EDARADD: variants seen among roughly 807,000 people sequenced by gnomAD.
EDARADD encodes EDAR associated via death domain, also known as ectodysplasin-A receptor-associated adapter protein.
A neutral mutation model predicts 25.6 loss-of-function variants in EDARADD; 20 were observed. That is an observed-to-expected ratio of 0.78 (90% CI 0.55 to 1.14). EDARADD has a LOEUF of 1.14. EDARADD is among the 50% of genes most tolerant of loss of function. EDARADD has a pLI of 0.00. For missense variants in EDARADD, 225 were observed against 270.1 expected (o/e 0.83, Z 1.17); for synonymous variants, 86 against 94.4 (o/e 0.91, Z 0.52).
At chr1:236,416,098 C>T (rs1336990438) in intron 3 of EDARADD, among the ~76,000 whole-genome samples, 1 of 152,188 alleles carries the variant, frequency 6.6e-6, no homozygotes, top group African/African-American at 2.4e-5. Flanking sequence ...ATTAGAGTGT[C>T]CTTTCTTTTC....
intron 2 of EDARADD, among the ~76,000 whole-genome samples, chr1:236,412,101 C>T (rs1026320547): frequency 2.0e-5 from 3 of 152,196 alleles, no homozygotes; most frequent in African/African-American, 7.2e-5. Flanking sequence ...TCAGCATCCA[C>T]TGCTCACCTG....
intron 3 of EDARADD, among the ~76,000 whole-genome samples, chr1:236,358,503 C>T (rs951401037): frequency 6.6e-6 from 1 of 152,208 alleles, no homozygotes; most frequent in Non-Finnish European, 1.5e-5. Context: ...TTGATGTGGG[C>T]ATTTAGTGCT....
At chr1:236,396,721 T>G (rs12080914) in intron 1 of EDARADD, among the ~76,000 whole-genome samples, 72,302 of 150,858 alleles carry the variant, frequency 0.48, 18,483 homozygotes, top group Non-Finnish European at 0.59. Flanking sequence ...GTGGGGATTG[T>G]TAAACATTTT....
At chr1:236,418,041 C>A (rs1244089706) in intron 3 of EDARADD, among the ~76,000 whole-genome samples, 2 of 151,066 alleles carry the variant, frequency 1.3e-5, no homozygotes, top group Non-Finnish European at 2.9e-5. Context: ...GCAAGCTCTG[C>A]CTCCCAAGTT....
Position 236,484,215 on chromosome 1 carries a change from A to T in EDARADD, c.*1566A>T. The T allele has an allele frequency of 1.0e-6, 1 of 999,224 alleles. No homozygotes were observed. Among genetic ancestry groups the T allele is most frequent in the Non-Finnish European group, 1.6e-6 (1 of 619,786 alleles). 61.9% of individuals were successfully genotyped at this position (999,224 alleles called of 1,614,324 possible). A position where few individuals can be genotyped will look rare whatever the true frequency, so the allele number is the denominator to read the frequency against. ...CAAAGTGAACCAGATTCGCTCTGTG[A>T]CTGAGTCCCTTCAGGCGTGCAAGCT... On this transcript the variant is annotated 3_prime_UTR_variant, in exon 6 of 6. Coordinates refer to ENST00000334232, the MANE Select transcript of EDARADD (RefSeq NM_145861.4). This position sits in a 1 kb window ranked among gnomAD's most constrained non-coding sequence, Gnocchi z 4.1.
At chr1:236,370,963 G>A (rs995644156) in intron 3 of EDARADD, among the ~76,000 whole-genome samples, 2 of 152,196 alleles carry the variant, frequency 1.3e-5, no homozygotes, top group Non-Finnish European at 2.9e-5. Flanking sequence ...AGGACAGCTT[G>A]GAGGTTAGAA....
intron 3 of EDARADD, among the ~76,000 whole-genome samples, chr1:236,369,012 C>A (rs1412530291): frequency 2.0e-5 from 3 of 151,960 alleles, no homozygotes; most frequent in Admixed American, 6.6e-5. Flanking sequence ...CCAGGCTGGT[C>A]TTGAACTCCT....
At chr1:236,455,619 A>G (rs924399784) in intron 4 of EDARADD, among the ~76,000 whole-genome samples, 1 of 152,224 alleles carries the variant, frequency 6.6e-6, no homozygotes, top group Non-Finnish European at 1.5e-5. Context: ...TGGTATTTTT[A>G]ACATTGTTGA....
At chr1:236,374,029 A>T (rs922216277) in intron 3 of EDARADD, among the ~76,000 whole-genome samples, 4 of 152,116 alleles carry the variant, frequency 2.6e-5, no homozygotes, top group African/African-American at 9.7e-5. Flanking sequence ...CTAAGAGCAG[A>T]TACTGTGTAA....
intron 4 of EDARADD, among the ~76,000 whole-genome samples, chr1:236,467,371 G>A (rs889183772): frequency 1.3e-5 from 2 of 151,520 alleles, no homozygotes; most frequent in South Asian, 2.1e-4. Context: ...TAACATAAAC[G>A]AAGGTGTACT....
intron 3 of EDARADD, among the ~76,000 whole-genome samples, chr1:236,417,464 G>C (rs535398933): frequency 6.6e-6 from 1 of 152,240 alleles, no homozygotes; most frequent in East Asian, 1.9e-4. Context: ...AATTTCATTT[G>C]TCAGCATCTG....
intron 5 of EDARADD, among the ~76,000 whole-genome samples, chr1:236,470,667 G>C (rs909921697): frequency 6.6e-6 from 1 of 152,038 alleles, no homozygotes; most frequent in Non-Finnish European, 1.5e-5. Flanking sequence ...GTGCAATGGC[G>C]AGATCTCGGC....
Position 236,398,968 on chromosome 1 carries a change from A to G in EDARADD, c.61+4463A>G, listed in dbSNP as rs1667567512. On this transcript the variant is annotated intron_variant, in intron 1 of 5. Transcript: ENST00000334232. The surrounding 1 kb of genome is among the most constrained non-coding windows in gnomAD (Gnocchi z 4.1). ...CCCTGGGCAAATACCACCTCAGTGA[A>G]TGAAGGAAGGTTATAAAATTTAACC... Among the ~76,000 whole-genome samples the G allele has an allele frequency of 6.6e-6, 1 of 152,302 alleles. No homozygotes were observed. The highest frequency in any genetic ancestry group is 1.9e-4 in the East Asian group (1 of 5,188).
intron 3 of EDARADD, among the ~76,000 whole-genome samples, chr1:236,375,381 C>T (rs1048322822): frequency 5.9e-5 from 9 of 152,044 alleles, no homozygotes; most frequent in African/African-American, 1.7e-4. Context: ...CCAGGCCAGG[C>T]GCAGTGGCTC....
chr1:236,445,234 C>CTTTTTTTTTTTTTTTT (rs61333307), intron 4 of EDARADD, among the ~76,000 whole-genome samples: 4,150 of 89,042 alleles, frequency 0.047, 1,139 homozygotes, highest in African/African-American at 0.083. Context: ...ATAATAAATT[C>CTTTTTTTTTTTTTTTT]TTTTTTTTTT....
intron 5 of EDARADD, among the ~76,000 whole-genome samples, chr1:236,481,164 T>C (rs994643690): frequency 1.3e-5 from 2 of 152,136 alleles, no homozygotes; most frequent in Non-Finnish European, 2.9e-5. Flanking sequence ...TTGTTGTTTT[T>C]AAAAAAAGAC....
At chr1:236,443,264 T>C (rs1286794912) in intron 4 of EDARADD, among the ~76,000 whole-genome samples, 1 of 152,214 alleles carries the variant, frequency 6.6e-6, no homozygotes, top group African/African-American at 2.4e-5. Flanking sequence ...AATGGACTAA[T>C]ACAGCACCCC....
At chr1:236,430,823 A>G (rs952962599) in intron 4 of EDARADD, among the ~76,000 whole-genome samples, 13 of 152,238 alleles carry the variant, frequency 8.5e-5, no homozygotes, top group African/African-American at 3.1e-4. Flanking sequence ...TCAGACATTA[A>G]AAGCAAGCTG....
At chr1:236,424,402 A>G (rs916278933) in intron 3 of EDARADD, among the ~76,000 whole-genome samples, 2 of 151,142 alleles carry the variant, frequency 1.3e-5, no homozygotes, top group Non-Finnish European at 2.9e-5. Context: ...CCCTCAAGCA[A>G]CCCTCCCATC....
Sources: allele counts gnomAD v4.1 joint callset (sites outside exome capture counted in the v4.1 genomes callset), GRCh38; gene constraint gnomAD v4.1.1; non-coding constraint Gnocchi (gnomAD v3.1); transcripts MANE v1.5; gene names NCBI Gene and HGNC (gene_info 2026-07-23, HGNC 2026-07-21).